The following SRGAP2 variants were observed in gnomAD, a reference collection of about 807,000 sequenced individuals.
SRGAP2 encodes the protein SLIT-ROBO Rho GTPase activating protein 2, also known as SLIT-ROBO Rho GTPase-activating protein 2.
Under a neutral mutation model 57.2 loss-of-function variants are expected in SRGAP2, and 15 were observed. The ratio of observed to expected loss-of-function variants is 0.26; its 90% CI spans 0.18 to 0.40. The LOEUF (loss-of-function observed/expected upper bound fraction) is 0.40, where lower values mean the gene tolerates loss of function less well. SRGAP2 is among the 10% of genes least tolerant of loss of function. The probability of loss-of-function intolerance (pLI) is 1.00; values close to 1 mark genes in which losing one functional copy is unlikely to be tolerated. For synonymous variants in SRGAP2, 249 were observed against 248.0 expected (o/e 1.00, Z -0.04); for missense variants, 520 against 669.6 (o/e 0.78, Z 2.47).
intron 4 of SRGAP2, among the ~76,000 whole-genome samples, chr1:206,353,866 C>G (rs1676231286): frequency 7.4e-6 from 1 of 134,888 alleles, no homozygotes; most frequent in Non-Finnish European, 1.5e-5. Context: ...GTGGTGTGAT[C>G]ATAGCTCACC....
chr1:206,260,830 C>T (rs1669507915), intron 2 of SRGAP2, among the ~76,000 whole-genome samples: 1 of 152,228 alleles, frequency 6.6e-6, no homozygotes, highest in Admixed American at 6.5e-5. Context: ...CACAGCAGTG[C>T]ATATGCTACT....
Position 206,454,942 on chromosome 1 carries a change from G to A in SRGAP2, c.2425G>A (p.Glu809Lys), listed in dbSNP as rs782026187. ...SEIEVISEPP[E>K]EKVTARAGAS... ...GATTGAGGTCATTTCTGAGCCACCT[G>A]AAGAAAAGGTGACAGCCAGAGCGGG... The change falls in exon 21 of 23, where the codon GAA becomes AAA. Residue 809 changes from glutamate to lysine, a missense_variant. Glu to Lys is a moderately conservative substitution (Grantham distance 56, BLOSUM62 1). Coordinates refer to ENST00000573034, the MANE Select transcript of SRGAP2 (RefSeq NM_015326.5). The surrounding 1 kb of genome is among the most constrained non-coding windows in gnomAD (Gnocchi z 4.3). The A allele has an allele frequency of 1.3e-6, 1 of 780,784 alleles. No homozygotes were observed. The allele number at this position is 780,784 out of a possible 1,614,324, so 48.4% of individuals were successfully genotyped here.
At chr1:206,365,664 A>G (rs1194892365) in intron 4 of SRGAP2, among the ~76,000 whole-genome samples, 10 of 132,484 alleles carry the variant, frequency 7.5e-5, no homozygotes, top group Non-Finnish European at 1.4e-4. Context: ...AGGCGTACTG[A>G]TGAGCAGTGA....
intron 4 of SRGAP2, among the ~76,000 whole-genome samples, chr1:206,376,996 C>T (rs1655261859): frequency 6.6e-6 from 1 of 152,004 alleles, no homozygotes. Context: ...TTTATGGCCA[C>T]TGTGCACAAA....
intron 5 of SRGAP2, among the ~76,000 whole-genome samples, chr1:206,386,512 G>A (rs1380783311): frequency 1.5e-5 from 2 of 137,668 alleles, no homozygotes; most frequent in African/African-American, 2.8e-5. Context: ...TAGGCCATTA[G>A]AAAGTTCAGT....
chr1:206,299,023 C>G (rs1171412689), intron 2 of SRGAP2, among the ~76,000 whole-genome samples: 2 of 152,028 alleles, frequency 1.3e-5, no homozygotes, highest in Admixed American at 1.3e-4. Context: ...TGCCTCCATA[C>G]AGGAAAGGCT....
intron 3 of SRGAP2, among the ~76,000 whole-genome samples, chr1:206,303,722 A>T (rs1424273752): frequency 1.3e-5 from 2 of 152,154 alleles, no homozygotes; most frequent in Non-Finnish European, 2.9e-5. Flanking sequence ...GTTGCCAGGC[A>T]TGCTACTAAG....
intron 2 of SRGAP2, among the ~76,000 whole-genome samples, chr1:206,220,824 G>T (rs1666939437): frequency 6.6e-6 from 1 of 152,156 alleles, no homozygotes; most frequent in South Asian, 2.1e-4. Flanking sequence ...CTACTGGAGT[G>T]TTCTTTCCTG....
At chr1:206,374,975 C>T (rs1655072634) in intron 4 of SRGAP2, among the ~76,000 whole-genome samples, 2 of 73,020 alleles carry the variant, frequency 2.7e-5, no homozygotes, top group African/African-American at 5.7e-5. Context: ...TCCTACCAGG[C>T]TGCCCTCCTC....
chr1:206,203,770 A>G (rs1665558414), intron 1 of SRGAP2, 120 bp downstream of exon 1: 13 of 1,501,464 alleles, frequency 8.7e-6, no homozygotes, highest in Non-Finnish European at 9.9e-6. Flanking sequence ...GCATCGCCTT[A>G]GCGGTGCCGC....
At chr1:206,428,135 G>T (rs1055150942) in intron 13 of SRGAP2, among the ~76,000 whole-genome samples, 1 of 151,940 alleles carries the variant, frequency 6.6e-6, no homozygotes, top group Admixed American at 6.6e-5. Context: ...ATATAAAATA[G>T]GCCGGGCGTG....
Position 206,454,985 on chromosome 1 carries a change from G to A in SRGAP2, c.2468G>A (p.Gly823Glu). ...TARAGASCPS[G>E]GHVADIYLAN... ...AGAGCGGGGGCCAGCTGTCCCAGTGGGGGTCATGTAGCCGATATTTATCTT... is the reference window on the plus strand; with the variant it reads ...AGAGCGGGGGCCAGCTGTCCCAGTGAGGGTCATGTAGCCGATATTTATCTT... The change falls in exon 21 of 23, where the codon GGG (glycine) becomes GAG (glutamate). Residue 823 changes from glycine (G) to glutamate (E), a missense_variant. Physicochemically the swap from Gly to Glu is moderately conservative, Grantham distance 98. Transcript: ENST00000573034. This position sits in a 1 kb window ranked among gnomAD's most constrained non-coding sequence, Gnocchi z 4.3. 1 of 780,912 alleles carries A rather than the reference G, an allele frequency of 1.3e-6. No homozygotes were observed. Among genetic ancestry groups the A allele is most frequent in the Non-Finnish European group, 2.4e-6 (1 of 418,004 alleles). The allele number at this position is 780,912 out of a possible 1,614,324, so 48.4% of individuals were successfully genotyped here.
chr1:206,221,467 C>T (rs1337877472), intron 2 of SRGAP2, among the ~76,000 whole-genome samples: 47 of 152,120 alleles, frequency 3.1e-4, no homozygotes, highest in Admixed American at 1.5e-3. Flanking sequence ...CTTGCTGATG[C>T]GAACTCTCCA....
At chr1:206,452,885 CAAAAAAAAAA>C (rs1166978056) in intron 19 of SRGAP2, among the ~76,000 whole-genome samples, 1 of 62,120 alleles carries the variant, frequency 1.6e-5, no homozygotes, top group African/African-American at 7.2e-5. Context: ...GACTCCATCC[CAAAAAAAAAA>C]AAAAAAAAAA....
intron 4 of SRGAP2, among the ~76,000 whole-genome samples, chr1:206,353,254 A>G (rs1285407879): frequency 1.3e-5 from 2 of 152,128 alleles, no homozygotes; most frequent in East Asian, 3.8e-4. Context: ...AATTGCATGT[A>G]TGTTAGACTA....
In SRGAP2 at chr1:206,303,644, A is replaced by G. The variant is rs1311801647; in HGVS notation, c.260+171A>G. On this transcript the variant is annotated intron_variant, in intron 3 of 22. Coordinates refer to ENST00000573034, the MANE Select transcript of SRGAP2 (RefSeq NM_015326.5). Reference sequence around the variant, plus strand: ...CCAGATCAGTCTTATGTGCAATTCAACATTTCGTAGAGATGAGAGTAGATG... The same window carrying G: ...CCAGATCAGTCTTATGTGCAATTCAGCATTTCGTAGAGATGAGAGTAGATG... Among the ~76,000 whole-genome samples the G allele has an allele frequency of 6.3e-4, 96 of 152,328 alleles. 1 individual carries two copies. In the East Asian group the frequency reaches 0.018, roughly 28 times the overall value.
intron 16 of SRGAP2, 74 bp from the exon 17 acceptor site, chr1:206,439,902 G>A (rs1662117000): frequency 1.4e-6 from 1 of 739,292 alleles, no homozygotes; most frequent in Non-Finnish European, 2.5e-6. Flanking sequence ...CCTGCTGGTA[G>A]TAGGGACTTC....
In SRGAP2 at chr1:206,421,289, G is replaced by A. The variant is rs782166516; in HGVS notation, c.1494+15G>A. ...TGAGGAAACAGGTAAGGGCCCAAGCGGGGCCAGGCTGGTCTGGCCTGAAAA... is the reference window on the plus strand; with the variant it reads ...TGAGGAAACAGGTAAGGGCCCAAGCAGGGCCAGGCTGGTCTGGCCTGAAAA... On this transcript the variant is annotated intron_variant, in intron 13 of 22. Transcript: ENST00000573034. 3.6e-5 allele frequency: 28 copies of A among 777,234 alleles called. No homozygotes were observed. The highest frequency in any genetic ancestry group is 5.8e-5 in the Non-Finnish European group (24 of 416,514). 48.1% of individuals were successfully genotyped at this position (777,234 alleles called of 1,614,324 possible). A position where few individuals can be genotyped will look rare whatever the true frequency, so the allele number is the denominator to read the frequency against.
intron 18 of SRGAP2, among the ~76,000 whole-genome samples, chr1:206,449,123 A>C (rs1663023749): frequency 6.6e-6 from 1 of 152,156 alleles, no homozygotes; most frequent in African/African-American, 2.4e-5. Flanking sequence ...GCCTACTACC[A>C]GAGGAAGAAC....
Sources: gnomAD v4.1 joint callset for allele counts (sites outside exome capture counted in the v4.1 genomes callset) on GRCh38, gnomAD v4.1.1 for gene constraint, Gnocchi (gnomAD v3.1) non-coding constraint, MANE v1.5 for transcripts, NCBI Gene and HGNC (gene_info 2026-07-23, HGNC 2026-07-21) for gene names.